APC: variants seen among roughly 807,000 people sequenced by gnomAD.
APC encodes the protein adenomatous polyposis coli protein.
Under a neutral mutation model 247.0 loss-of-function variants are expected in APC, and 72 were observed. The observed-to-expected ratio is 0.29, with a 90% CI of 0.24 to 0.35. The LOEUF is 0.35. Ranked by LOEUF, APC falls within the 10% of genes least tolerant of loss-of-function variation. The probability of loss-of-function intolerance (pLI) is 1.00; values close to 1 mark genes in which losing one functional copy is unlikely to be tolerated. For synonymous variants in APC, 1,254 were observed against 1,162.5 expected (o/e 1.08, Z -1.60); for missense variants, 3,400 against 3,360.7 (o/e 1.01, Z -0.29).
At chr5:112,775,309 T>C (rs1757497365) in intron 4 of APC, among the ~76,000 whole-genome samples, 1 of 152,182 alleles carries the variant, frequency 6.6e-6, no homozygotes, top group Non-Finnish European at 1.5e-5. Flanking sequence ...ATTTTGAGTT[T>C]TGTTATATGT....
chr5:112,838,909 G>A lies in APC; in HGVS notation c.3315G>A (p.Arg1105=), dbSNP rs760860341. The A allele has an allele frequency of 1.2e-6, 2 of 1,614,074 alleles. No individual in the cohort carries two copies. The highest frequency in any genetic ancestry group is 2.2e-5 in the South Asian group (2 of 91,070). ...QQECVSPYRS[R]GANGSETNRV... ...AATGTGTTTCTCCATACAGGTCACG[G>A]GGAGCCAATGGTTCAGAAACAAATC... The change falls in exon 16 of 16, where the codon CGG becomes CGA. Residue 1105 remains arginine, a synonymous_variant. Transcript: ENST00000257430.
intron 2 of APC, among the ~76,000 whole-genome samples, chr5:112,757,772 A>G (rs553806279): frequency 2.0e-5 from 3 of 152,224 alleles, no homozygotes; most frequent in Non-Finnish European, 4.4e-5. Flanking sequence ...TTTATGTAGT[A>G]GTACCATCTA....
In APC at chr5:112,707,611, G is replaced by C; in HGVS notation, c.-107G>C. 1.6e-6 allele frequency: 2 copies of C among 1,225,798 alleles called. No homozygotes were observed. The highest frequency in any genetic ancestry group is 1.3e-5 in the South Asian group (1 of 76,324). The allele number at this position is 1,225,798 out of a possible 1,614,324, so 75.9% of individuals were successfully genotyped here. A position where few individuals can be genotyped will look rare whatever the true frequency, so the allele number is the denominator to read the frequency against. ...GGGGGGGACCTGCGGGCTCAGGCCC[G>C]GGAGCTGCGGACCGAGGTTGGCTCG... On this transcript the variant is annotated 5_prime_UTR_variant, in exon 1 of 14. Coordinates refer to the APC transcript ENST00000507379.
intron 1 of APC, among the ~76,000 whole-genome samples, chr5:112,719,414 G>C (rs1486746858): frequency 6.6e-6 from 1 of 151,164 alleles, no homozygotes; most frequent in Non-Finnish European, 1.5e-5. Flanking sequence ...GTAGAGGTGG[G>C]GTTTTACCAT....
At chr5:112,756,044 G>C (rs892367292) in intron 2 of APC, among the ~76,000 whole-genome samples, 2 of 151,144 alleles carry the variant, frequency 1.3e-5, no homozygotes, top group Non-Finnish European at 2.9e-5. Context: ...TCCTGGTCCA[G>C]TTCTTCCTGT....
intron 7 of APC, among the ~76,000 whole-genome samples, chr5:112,799,772 T>G (rs1163404472): frequency 6.6e-6 from 1 of 152,148 alleles, no homozygotes; most frequent in Non-Finnish European, 1.5e-5. Context: ...TTCCTCCTTA[T>G]TTTTGGTGCT....
chr5:112,804,499 C>G (rs956447405), intron 8 of APC, among the ~76,000 whole-genome samples: 12 of 152,140 alleles, frequency 7.9e-5, no homozygotes, highest in Admixed American at 4.6e-4. Context: ...TCTGCCTCAG[C>G]CTCCCGAGTA....
chr5:112,756,558 A>T (rs1755009877), intron 2 of APC, among the ~76,000 whole-genome samples: 1 of 152,258 alleles, frequency 6.6e-6, no homozygotes, highest in Admixed American at 6.5e-5. Context: ...TTAGTATGGT[A>T]TATTTCGCAG....
At chr5:112,741,500 T>G (rs1753011430) in intron 1 of APC, among the ~76,000 whole-genome samples, 1 of 152,210 alleles carries the variant, frequency 6.6e-6, no homozygotes, top group South Asian at 2.1e-4. Context: ...CCCTTTATTC[T>G]CACACCCTGC....
rs2149818472 is a variant in APC at position 112,828,964 on chromosome 5, G to C, written c.1735G>C (p.Val579Leu). The C allele has an allele frequency of 6.2e-7, 1 of 1,609,000 alleles. No individual in the cohort carries two copies. The highest frequency in any genetic ancestry group is 8.5e-7 in the Non-Finnish European group (1 of 1,175,486). ...AGCATTGATGGAATGTGCTTTAGAA[G>C]TTAAAAAGGTACCTTTGAAAACATT... ...VKALMECALEVKKESTLKSVL... is the reference protein window; with the variant it reads ...VKALMECALELKKESTLKSVL... Residue 579 changes from valine (V) to leucine (L), a missense_variant, in exon 14 of 16, where the codon GTT (valine) becomes CTT (leucine). Coordinates refer to ENST00000257430, the MANE Select transcript of APC (RefSeq NM_000038.6).
chr5:112,742,641 G>A (rs1477017228), intron 1 of APC, among the ~76,000 whole-genome samples: 1 of 152,162 alleles, frequency 6.6e-6, no homozygotes, highest in East Asian at 1.9e-4. Flanking sequence ...CCATGGGGCT[G>A]CTTGAATGTC....
chr5:112,827,386 C>G, intron 12 of APC, 139 bp downstream of exon 12: 1 of 981,952 alleles, frequency 1.0e-6, no homozygotes, highest in Non-Finnish European at 1.6e-6. Context: ...GCTTCACATT[C>G]GCTTATCTTT....
At chr5:112,834,889 A>G (rs762359036) in intron 14 of APC, 62 bp from the exon 15 acceptor site, 3 of 1,390,300 alleles carry the variant, frequency 2.2e-6, no homozygotes, top group Non-Finnish European at 3.1e-6. Context: ...TCAGTAACAT[A>G]GAAGTTAATG....
At chr5:112,756,481 A>T (rs987852984) in intron 2 of APC, among the ~76,000 whole-genome samples, 2 of 152,346 alleles carry the variant, frequency 1.3e-5, no homozygotes, top group East Asian at 3.9e-4. Flanking sequence ...TACATTTCAA[A>T]TCATTATACT....
At chr5:112,837,302 T>C (rs915882381) in intron 15 of APC, among the ~76,000 whole-genome samples, 2 of 152,212 alleles carry the variant, frequency 1.3e-5, no homozygotes, top group Non-Finnish European at 2.9e-5. Flanking sequence ...GCAAATGTTT[T>C]AAGCTATTGG....
At chr5:112,730,956 C>G (rs1415314811) in intron 1 of APC, among the ~76,000 whole-genome samples, 1 of 152,024 alleles carries the variant, frequency 6.6e-6, no homozygotes, top group Non-Finnish European at 1.5e-5. Context: ...TTTTATCTCT[C>G]TCTGCTTTTC....
chr5:112,805,374 A>G (rs968495706), intron 8 of APC, among the ~76,000 whole-genome samples: 1 of 152,210 alleles, frequency 6.6e-6, no homozygotes, highest in African/African-American at 2.4e-5. Context: ...TATTGAAAAT[A>G]GTAAATCAGG....
chr5:112,809,640 C>T (rs1008382848), intron 8 of APC, among the ~76,000 whole-genome samples: 2 of 150,538 alleles, frequency 1.3e-5, no homozygotes, highest in African/African-American at 4.9e-5. Flanking sequence ...TTGTCAAATG[C>T]AATTCCTTGG....
At chr5:112,744,806 A>G (rs993409694) in intron 1 of APC, among the ~76,000 whole-genome samples, 16 of 152,266 alleles carry the variant, frequency 1.1e-4, no homozygotes, top group African/African-American at 3.6e-4. Flanking sequence ...ATTATCAGAT[A>G]TAATAGATTG....
Sources: allele counts gnomAD v4.1 joint callset (sites outside exome capture counted in the v4.1 genomes callset), GRCh38; gene constraint gnomAD v4.1.1; transcripts MANE v1.5; gene names NCBI Gene and HGNC (gene_info 2026-07-23, HGNC 2026-07-21).